Variants in FAT1 observed in about 807,000 individuals in gnomAD.
FAT1 encodes protocadherin Fat 1.
In FAT1, 171 loss-of-function variants were observed where a neutral mutation model predicts 329.8. That is an observed-to-expected ratio of 0.52 (90% CI 0.46 to 0.59). The LOEUF (loss-of-function observed/expected upper bound fraction) is 0.59. FAT1 is among the 20% of genes least tolerant of loss of function. The pLI is 0.00. For synonymous variants in FAT1, 2,233 were observed against 2,228.6 expected, an observed-to-expected ratio of 1.00 and a Z score of -0.06; for missense variants, 5,672 against 5,774.4, an observed-to-expected ratio of 0.98 and a Z score of 0.57.
chr4:186,708,158 A>AT lies in FAT1; in HGVS notation c.1669dup (p.Ile557AsnfsTer5). Reference sequence around the variant, plus strand: ...GTTGTCATTCAAGTTATTGAGAGTAATTGTAGCAAGGACTTCGACTTCCCG... The same window carrying AT: ...GTTGTCATTCAAGTTATTGAGAGTAATTTGTAGCAAGGACTTCGACTTCCCG... On this transcript the variant is annotated frameshift_variant, in exon 2 of 27. Coordinates refer to ENST00000441802, the MANE Select transcript of FAT1 (RefSeq NM_005245.4). LOFTEE classifies it high-confidence loss of function. The AT allele has an allele frequency of 6.2e-7, 1 of 1,613,958 alleles. No homozygotes were observed. The highest frequency in any genetic ancestry group is 8.5e-7 in the Non-Finnish European group (1 of 1,179,904).
At position 186,611,697 on chromosome 4, in the gene FAT1, A is replaced by G. The variant is rs1739455447; in HGVS notation, c.9542T>C (p.Ile3181Thr). The change falls in exon 14 of 27, where the codon ATT becomes ACT. Residue 3181 changes from isoleucine (I) to threonine (T), a missense_variant. Physicochemically the swap from Ile to Thr is moderately conservative, Grantham distance 89 (BLOSUM62 -1). This residue lies in a region of FAT1 where 1,706 missense variants were observed against 1,859.1 expected (regional missense o/e 0.92). Transcript: ENST00000441802. ...TCTGTCCAAAGGTTTTTCTAACTGA[A>G]TAATTCCAGATAATTCGTTAATGGA... ...QFSINELSGI[I>T]QLEKPLDREL... 6 of 1,599,120 alleles carry G rather than the reference A, an allele frequency of 3.8e-6. No homozygotes were observed. Among genetic ancestry groups the G allele is most frequent in the Admixed American group, 3.5e-5 (2 of 57,592 alleles).
intron 2 of FAT1, among the ~76,000 whole-genome samples, chr4:186,687,744 C>G (rs1743543682): frequency 6.6e-6 from 1 of 152,234 alleles, no homozygotes; most frequent in East Asian, 1.9e-4. Context: ...ATTAGTCTGT[C>G]TCTGTGCTGG....
intron 1 of FAT1, among the ~76,000 whole-genome samples, chr4:186,717,713 G>A (rs1276769775): frequency 1.3e-5 from 2 of 152,166 alleles, no homozygotes; most frequent in East Asian, 1.9e-4. Flanking sequence ...TTGGCATTAC[G>A]AAGATGACGG....
chr4:186,712,468 G>A (rs1284860422), intron 1 of FAT1, among the ~76,000 whole-genome samples: 1 of 152,062 alleles, frequency 6.6e-6, no homozygotes, highest in Non-Finnish European at 1.5e-5. Context: ...TATGTATCAG[G>A]TGCAGTTCTA....
At chr4:186,633,427 G>T (rs748151278) in intron 7 of FAT1, among the ~76,000 whole-genome samples, 1 of 152,098 alleles carries the variant, frequency 6.6e-6, no homozygotes, top group South Asian at 2.1e-4. Context: ...GATTTTGATG[G>T]TATAACGTTG....
intron 1 of FAT1, among the ~76,000 whole-genome samples, chr4:186,717,502 T>C (rs901550784): frequency 6.6e-6 from 1 of 152,238 alleles, no homozygotes; most frequent in Non-Finnish European, 1.5e-5. Flanking sequence ...AATTTAACCC[T>C]GAGAATGGTC....
intron 2 of FAT1, among the ~76,000 whole-genome samples, chr4:186,680,846 C>T (rs575061218): frequency 3.0e-4 from 45 of 152,302 alleles, no homozygotes; most frequent in African/African-American, 1.0e-3. Context: ...GAGGTGCACG[C>T]TTGCATTAAC....
At chr4:186,646,475 T>G (rs539743924) in intron 3 of FAT1, among the ~76,000 whole-genome samples, 1 of 152,306 alleles carries the variant, frequency 6.6e-6, no homozygotes, top group Admixed American at 6.5e-5. Flanking sequence ...CCTGGCCACA[T>G]GTGGCCACTA....
Position 186,633,812 on chromosome 4 carries a change from C to A in FAT1, c.4195G>T (p.Asp1399Tyr), listed in dbSNP as rs774134398. Residue 1399 changes from aspartate to tyrosine, a missense_variant, in exon 7 of 27, where the codon GAC (aspartate) becomes TAC (tyrosine). By Grantham distance (160) the Asp-to-Tyr change is radical. Coordinates refer to ENST00000441802, the MANE Select transcript of FAT1 (RefSeq NM_005245.4). ...LWFDITGGNY[D>Y]SHFDVDKGTG... is the part of the protein sequence containing the mutation. ...CCCTTGTCCACATCGAAGTGACTGT[C>A]GTAGTTGCCACCTAATTTGGGGAAA... The A allele has an allele frequency of 6.2e-7, 1 of 1,613,718 alleles. No homozygotes were observed. Among genetic ancestry groups the A allele is most frequent in the Non-Finnish European group, 8.5e-7 (1 of 1,179,860 alleles).
chr4:186,687,054 G>C (rs1364387227), intron 2 of FAT1, among the ~76,000 whole-genome samples: 1 of 152,126 alleles, frequency 6.6e-6, no homozygotes, highest in Non-Finnish European at 1.5e-5. Flanking sequence ...TGGCATACAA[G>C]AGACGCTTTT....
At chr4:186,630,564 G>C (rs750620395) in intron 7 of FAT1, among the ~76,000 whole-genome samples, 1 of 152,158 alleles carries the variant, frequency 6.6e-6, no homozygotes, top group Non-Finnish European at 1.5e-5. Context: ...TTGAGTGTTG[G>C]TGGGACAAGA....
At position 186,633,701 on chromosome 4, in the gene FAT1, T is replaced by A; in HGVS notation, c.4306A>T (p.Thr1436Ser). 1 of 1,613,942 alleles carries A rather than the reference T, an allele frequency of 6.2e-7. No individual in the cohort carries two copies. Among genetic ancestry groups the A allele is most frequent in the Non-Finnish European group, 8.5e-7 (1 of 1,179,856 alleles). The change falls in exon 7 of 27, where the codon ACC becomes TCC. Residue 1436 changes from threonine (T) to serine (S), a missense_variant. By Grantham distance (58) the Thr-to-Ser change is moderately conservative. Around this residue, in one of 2 missense-constraint regions of FAT1, gnomAD observed 3,966 missense variants for 3,915.2 expected, o/e 1.01. Transcript: ENST00000441802. ...TCACTTACCTGAGTGAGGATAGTGG[T>A]GGTTCCATCTGTAGCCTCGACTGTG... Reference protein sequence around the residue: ...NLTVEATDGTTTILTQVFIKV... With the variant: ...NLTVEATDGTSTILTQVFIKV...
intron 26 of FAT1, among the ~76,000 whole-genome samples, chr4:186,594,689 T>C (rs1287472603): frequency 1.4e-5 from 2 of 144,430 alleles, no homozygotes; most frequent in South Asian, 2.2e-4. Context: ...TATATATATA[T>C]ATATATATAT....
At position 186,588,998 on chromosome 4, in the gene FAT1, T is replaced by G. The variant is rs1361717654; in HGVS notation, c.13361A>C (p.Glu4454Ala). 1.9e-6 allele frequency: 3 copies of G among 1,613,926 alleles called. No homozygotes were observed. In the South Asian group the frequency reaches 3.3e-5, roughly 18 times the overall value. The change falls in exon 27 of 27, where the codon GAA becomes GCA. Residue 4454 changes from glutamate to alanine, a missense_variant. By Grantham distance (107) the Glu-to-Ala change is moderately radical (BLOSUM62 -1). Transcript: ENST00000441802. ...GATGGATTCAAACTGATTGCTGAAT[T>G]CGGGCGGTAACGGTGGTAGCTCATC... ...AADELPPLPP[E>A]FSNQFESIHP...
chr4:186,712,407 C>T (rs898522110), intron 1 of FAT1, among the ~76,000 whole-genome samples: 1 of 152,008 alleles, frequency 6.6e-6, no homozygotes, highest in Non-Finnish European at 1.5e-5. Context: ...ATCCACTCAC[C>T]CCTTTCATTA....
At chr4:186,650,984 C>A (rs910912837) in intron 3 of FAT1, among the ~76,000 whole-genome samples, 1 of 151,224 alleles carries the variant, frequency 6.6e-6, no homozygotes, top group African/African-American at 2.4e-5. Flanking sequence ...GAGGGCAACA[C>A]AATTGGTCAT....
chr4:186,658,144 A>G (rs142013631), intron 3 of FAT1, among the ~76,000 whole-genome samples: 1 of 152,232 alleles, frequency 6.6e-6, no homozygotes, highest in Non-Finnish European at 1.5e-5. Context: ...AATGTTATAA[A>G]AATTAGCAAT....
At chr4:186,592,622 G>A (rs1234725610) in intron 26 of FAT1, 1 of 446,150 alleles carries the variant, frequency 2.2e-6, no homozygotes, top group African/African-American at 2.0e-5. Flanking sequence ...CATTGCAATA[G>A]CAATGCGGCC....
At position 186,619,585 on chromosome 4, in the gene FAT1, T is replaced by C. The variant is rs756957772; in HGVS notation, c.7001A>G (p.His2334Arg). Residue 2334 changes from histidine to arginine, a missense_variant, in exon 10 of 27, where the codon CAT becomes CGT. This residue lies in a region of FAT1 where 3,966 missense variants were observed against 3,915.2 expected (regional missense o/e 1.01). Transcript: ENST00000441802. Reference protein sequence around the residue: ...GNHSKSHDHFHVDSSTGLISL... With the variant: ...GNHSKSHDHFRVDSSTGLISL... ...GATGAGGCCAGTGCTGCTGTCTACA[T>C]GAAAATGATCATGACTCTTGCTGTG... 6 of 1,613,832 alleles carry C rather than the reference T, an allele frequency of 3.7e-6. No homozygotes were observed. Among genetic ancestry groups the C allele is most frequent in the Non-Finnish European group, 4.2e-6 (5 of 1,179,904 alleles).
Sources: gnomAD v4.1 joint callset for allele counts (sites outside exome capture counted in the v4.1 genomes callset) on GRCh38, gnomAD v4.1.1 for gene constraint, gnomAD v4.1.1 regional missense constraint, MANE v1.5 for transcripts, NCBI Gene and HGNC (gene_info 2026-07-23, HGNC 2026-07-21) for gene names.